The following SEMA3E variants were observed in gnomAD, a reference collection of about 807,000 sequenced individuals.
SEMA3E encodes the protein semaphorin-3E.
Under a neutral mutation model 93.6 loss-of-function variants are expected in SEMA3E, and 49 were observed. That is an observed-to-expected ratio of 0.52 (90% CI 0.42 to 0.66). The LOEUF (loss-of-function observed/expected upper bound fraction) is 0.66, where lower values mean the gene tolerates loss of function less well. SEMA3E is among the 30% of genes least tolerant of loss of function. The probability of loss-of-function intolerance (pLI) is 0.00; values close to 1 mark genes in which losing one functional copy is unlikely to be tolerated. For missense variants in SEMA3E, 906 were observed against 964.8 expected (o/e 0.94, Z 0.81); for synonymous variants, 363 against 330.7 (o/e 1.10, Z -1.06).
Position 83,608,812 on chromosome 7 carries a change from C to T in SEMA3E, c.115+39616G>A, listed in dbSNP as rs139803191. On this transcript the variant is annotated intron_variant, in intron 1 of 16. Coordinates refer to ENST00000643230, the MANE Select transcript of SEMA3E (RefSeq NM_012431.3). ...ATTAGATTTTCAACTGGTATATAAC[C>T]CAACATGGTTATGGGCATATTAAAA... 9.3e-4 allele frequency among the ~76,000 whole-genome samples: 141 copies of T among 151,984 alleles called. 4 individuals are homozygous for T. In the East Asian group the frequency reaches 0.027, roughly 29 times the overall value.
At chr7:83,493,601 T>TA (rs1790427260) in intron 1 of SEMA3E, among the ~76,000 whole-genome samples, 1 of 151,754 alleles carries the variant, frequency 6.6e-6, no homozygotes, top group African/African-American at 2.4e-5. Flanking sequence ...TTTCATAATA[T>TA]AAAAAAAGAA....
chr7:83,643,416 T>G (rs1414442610), intron 1 of SEMA3E, among the ~76,000 whole-genome samples: 1 of 152,020 alleles, frequency 6.6e-6, no homozygotes, highest in African/African-American at 2.4e-5. Context: ...ACTCCAAAAT[T>G]GACCCAGTTC....
At chr7:83,484,507 T>A (rs1362845745) in intron 2 of SEMA3E, among the ~76,000 whole-genome samples, 1 of 152,166 alleles carries the variant, frequency 6.6e-6, no homozygotes, top group Non-Finnish European at 1.5e-5. Context: ...CAGCCTGAGG[T>A]ACATGCTCTG....
chr7:83,455,837 A>C (rs1259047549), intron 4 of SEMA3E, among the ~76,000 whole-genome samples: 1 of 152,242 alleles, frequency 6.6e-6, no homozygotes, highest in Non-Finnish European at 1.5e-5. Flanking sequence ...AGCCATCTAG[A>C]AAATGAGGAC....
chr7:83,413,740 TAAG>T (rs994018980), intron 5 of SEMA3E, among the ~76,000 whole-genome samples: 2 of 152,104 alleles, frequency 1.3e-5, no homozygotes, highest in Non-Finnish European at 2.9e-5. Context: ...CTCTCAATGT[TAAG>T]AAGGTGGTTT....
chr7:83,473,382 C>T (rs1472717352), intron 2 of SEMA3E, among the ~76,000 whole-genome samples: 2 of 152,166 alleles, frequency 1.3e-5, no homozygotes, highest in African/African-American at 4.8e-5. Flanking sequence ...CTCCTGTCTA[C>T]AGCAGTTTGT....
At chr7:83,524,447 C>T (rs926188023) in intron 1 of SEMA3E, among the ~76,000 whole-genome samples, 1 of 152,212 alleles carries the variant, frequency 6.6e-6, no homozygotes, top group Non-Finnish European at 1.5e-5. Flanking sequence ...AGTTTCATTA[C>T]TCACTAAGTT....
At chr7:83,571,681 T>A (rs1463696543) in intron 1 of SEMA3E, among the ~76,000 whole-genome samples, 4 of 152,098 alleles carry the variant, frequency 2.6e-5, no homozygotes, top group Non-Finnish European at 5.9e-5. Context: ...GGATGCCCAC[T>A]CTCACCACTC....
intron 4 of SEMA3E, among the ~76,000 whole-genome samples, chr7:83,430,187 G>A (rs956878036): frequency 2.0e-5 from 3 of 152,056 alleles, no homozygotes; most frequent in Non-Finnish European, 2.9e-5. Context: ...AAAATGGGCC[G>A]GGTACGGTGG....
intron 5 of SEMA3E, among the ~76,000 whole-genome samples, chr7:83,414,040 T>C (rs1364270256): frequency 3.3e-5 from 5 of 152,180 alleles, no homozygotes; most frequent in Admixed American, 6.6e-5. Flanking sequence ...ATGTGGATAA[T>C]GGGCATTCTG....
intron 1 of SEMA3E, among the ~76,000 whole-genome samples, chr7:83,561,641 T>C (rs551463586): frequency 6.6e-6 from 1 of 152,118 alleles, no homozygotes; most frequent in African/African-American, 2.4e-5. Flanking sequence ...AACCAGCTGA[T>C]AGCATTTTCA....
chr7:83,412,763 A>T (rs1484906930), intron 5 of SEMA3E, among the ~76,000 whole-genome samples: 543 of 12,240 alleles, frequency 0.044, 3 homozygotes, highest in Middle Eastern at 0.5. Context: ...AAAAAAGATA[A>T]AAAAAAAAAA....
At chr7:83,619,683 T>C (rs974277198) in intron 1 of SEMA3E, among the ~76,000 whole-genome samples, 2 of 151,920 alleles carry the variant, frequency 1.3e-5, no homozygotes, top group Admixed American at 6.6e-5. Context: ...GAAGGAGTTA[T>C]CACACTTGCC....
chr7:83,471,060 CACTT>C (rs1206105097), intron 2 of SEMA3E, among the ~76,000 whole-genome samples: 1 of 151,666 alleles, frequency 6.6e-6, no homozygotes, highest in Non-Finnish European at 1.5e-5. Context: ...AAACATAAGT[CACTT>C]ACTTTCAAAT....
intron 4 of SEMA3E, among the ~76,000 whole-genome samples, chr7:83,447,369 T>A (rs1789254891): frequency 6.6e-6 from 1 of 152,000 alleles, no homozygotes; most frequent in East Asian, 1.9e-4. Flanking sequence ...ACCCCGTCTC[T>A]ACTAAAAATA....
intron 16 of SEMA3E, among the ~76,000 whole-genome samples, chr7:83,373,337 C>G (rs994756013): frequency 6.6e-5 from 10 of 151,984 alleles, no homozygotes; most frequent in African/African-American, 2.4e-4. Context: ...ATAGAGGAAA[C>G]AATTTATATA....
At chr7:83,529,916 G>T (rs989273966) in intron 1 of SEMA3E, among the ~76,000 whole-genome samples, 7 of 151,868 alleles carry the variant, frequency 4.6e-5, no homozygotes, top group African/African-American at 1.7e-4. Flanking sequence ...TCCATCTGTA[G>T]TAAAGCCCAC....
At chr7:83,612,933 CAT>C (rs10569624) in intron 1 of SEMA3E, among the ~76,000 whole-genome samples, 31,511 of 151,894 alleles carry the variant, frequency 0.21, 3,529 homozygotes, top group East Asian at 0.37. Context: ...TTTCAAAACT[CAT>C]ATCCATGATT....
At chr7:83,406,934 C>T (rs1194231006) in intron 7 of SEMA3E, among the ~76,000 whole-genome samples, 163 bp downstream of exon 7, 1 of 151,904 alleles carries the variant, frequency 6.6e-6, no homozygotes, top group Non-Finnish European at 1.5e-5. Context: ...TAAGATACAC[C>T]TTTCACTAGA....
Sources: gnomAD v4.1 joint callset for allele counts (sites outside exome capture counted in the v4.1 genomes callset) on GRCh38, gnomAD v4.1.1 for gene constraint, MANE v1.5 for transcripts, NCBI Gene and HGNC (gene_info 2026-07-23, HGNC 2026-07-21) for gene names.